The following IFFO2 variants were observed in gnomAD, a reference collection of about 807,000 sequenced individuals.
The protein encoded by IFFO2 is intermediate filament family orphan 2.
A neutral mutation model predicts 53.5 loss-of-function variants in IFFO2; 19 were observed. That is an observed-to-expected ratio of 0.36 (90% CI 0.25 to 0.52). The LOEUF (loss-of-function observed/expected upper bound fraction) is 0.52. Ranked by LOEUF, IFFO2 falls within the 20% of genes least tolerant of loss-of-function variation. The pLI is 0.94. For synonymous variants in IFFO2, 303 were observed against 313.6 expected, an observed-to-expected ratio of 0.97 and a Z score of 0.36; for missense variants, 570 against 727.4, an observed-to-expected ratio of 0.78 and a Z score of 2.49.
intron 1 of IFFO2, among the ~76,000 whole-genome samples, chr1:18,923,750 G>A (rs763222281): frequency 2.6e-5 from 4 of 152,160 alleles, no homozygotes; most frequent in Non-Finnish European, 5.9e-5. Flanking sequence ...AATCACCTGG[G>A]CATCTTATTA....
chr1:18,948,231 A>AC (rs1409675082), intron 1 of IFFO2, among the ~76,000 whole-genome samples: 2 of 152,248 alleles, frequency 1.3e-5, no homozygotes, highest in Non-Finnish European at 2.9e-5. Context: ...ATTGACTTTT[A>AC]CCTCAACCCT....
Position 18,920,998 on chromosome 1 carries a change from T to C in IFFO2, c.726+63A>G. On this transcript the variant is annotated intron_variant, in intron 2 of 8. Transcript: ENST00000455833. ...TCCTGGCTTTGCCGCATGAAGACTG[T>C]GCCCCTTGGCCACATGGCTCTCTGG... 3 of 1,427,088 alleles carry C rather than the reference T, an allele frequency of 2.1e-6. No homozygotes were observed. In the East Asian group the frequency reaches 7.4e-5, roughly 35 times the overall value. The allele number at this position is 1,427,088 out of a possible 1,614,324, so 88.4% of individuals were successfully genotyped here. A position where few individuals can be genotyped will look rare whatever the true frequency, so the allele number is the denominator to read the frequency against.
In IFFO2 at chr1:18,955,853, G is replaced by T; in HGVS notation, c.480C>A (p.Thr160=). 6.8e-7 allele frequency: 1 copy of T among 1,464,286 alleles called. No homozygotes were observed. The highest frequency in any genetic ancestry group is 9.0e-7 in the Non-Finnish European group (1 of 1,116,250). 90.7% of individuals were successfully genotyped at this position (1,464,286 alleles called of 1,614,324 possible). The part of the protein sequence containing the change: ...HPQHYGRLPG[T]IWSYTQVRRT... ...GCCGCACCTGCGTGTAGCTCCAGAT[G>T]GTCCCGGGCAGGCGGCCGTAGTGCT... Residue 160 remains threonine (T), a synonymous_variant, in exon 1 of 9, where the codon ACC becomes ACA. Coordinates refer to ENST00000455833, the MANE Select transcript of IFFO2 (RefSeq NM_001136265.2).
At chr1:18,933,353 A>G (rs1936404121) in intron 1 of IFFO2, among the ~76,000 whole-genome samples, 1 of 152,220 alleles carries the variant, frequency 6.6e-6, no homozygotes, top group Admixed American at 6.5e-5. Context: ...ATTTGTACCC[A>G]GGGGCACGAG....
rs61750842 is a variant in IFFO2, at chr1:18,912,074, G to T, written c.1113C>A (p.Thr371=). Residue 371 remains threonine (T), a synonymous_variant, in exon 6 of 9, where the codon ACC becomes ACA. Coordinates refer to ENST00000455833, the MANE Select transcript of IFFO2 (RefSeq NM_001136265.2). ...TGTCACAGTCGTCGTCAAAGTCAAA[G>T]GTCTCCCGCCTGTGGGGGTGACACC... is the stretch of plus-strand genomic sequence containing the variant. ...MKRMFNQLRE[T]FDFDDDCDSL... is the part of the protein sequence containing the mutation. 1.3e-6 allele frequency: 2 copies of T among 1,551,636 alleles called. No homozygotes were observed. Among genetic ancestry groups the T allele is most frequent in the African/African-American group, 2.7e-5 (2 of 73,138 alleles).
intron 5 of IFFO2, among the ~76,000 whole-genome samples, chr1:18,912,736 G>A (rs59798360): frequency 0.11 from 17,332 of 151,338 alleles, 1,620 homozygotes; most frequent in African/African-American, 0.24. Flanking sequence ...CATAACTATC[G>A]TTCCCATTTT....
At chr1:18,935,864 A>ATTTT (rs757253270) in intron 1 of IFFO2, among the ~76,000 whole-genome samples, 263 of 95,388 alleles carry the variant, frequency 2.8e-3, no homozygotes, top group East Asian at 4.4e-3. Context: ...TAATTTTTCT[A>ATTTT]TTTTTTTTTT....
At chr1:18,941,592 G>A (rs1341417091) in intron 1 of IFFO2, among the ~76,000 whole-genome samples, 1 of 152,224 alleles carries the variant, frequency 6.6e-6, no homozygotes, top group African/African-American at 2.4e-5. Context: ...AGGAACGGCT[G>A]CCTTGCTGCT....
chr1:18,945,544 C>T (rs1238320539), intron 1 of IFFO2, among the ~76,000 whole-genome samples: 4 of 152,206 alleles, frequency 2.6e-5, no homozygotes, highest in Non-Finnish European at 4.4e-5. Flanking sequence ...ATTAAGAGGG[C>T]GGAAGGCGCT....
At chr1:18,912,921 C>A (rs1936062362) in intron 5 of IFFO2, among the ~76,000 whole-genome samples, 1 of 152,224 alleles carries the variant, frequency 6.6e-6, no homozygotes, top group Non-Finnish European at 1.5e-5. Flanking sequence ...TCCCAAGATG[C>A]CTTGGTTACC....
In IFFO2 at chr1:18,956,237, G is replaced by T; in HGVS notation, c.96C>A (p.Gly32=). Residue 32 remains glycine (G), a synonymous_variant, in exon 1 of 9, where the codon GGC becomes GGA. Coordinates refer to ENST00000455833, the MANE Select transcript of IFFO2 (RefSeq NM_001136265.2). The surrounding 1 kb of genome is among the most constrained non-coding windows in gnomAD (Gnocchi z 6.4). ...GGGCPGGGGG[G]GGAGPGPSPV... Reference sequence around the variant, plus strand: ...GCGACGGACCCGGCCCTGCCCCGCCGCCGCCGCCGCCCCCGCCAGGGCAGC... The same window carrying T: ...GCGACGGACCCGGCCCTGCCCCGCCTCCGCCGCCGCCCCCGCCAGGGCAGC... 8.3e-7 allele frequency: 1 copy of T among 1,200,912 alleles called. No homozygotes were observed. Among genetic ancestry groups the T allele is most frequent in the Non-Finnish European group, 1.1e-6 (1 of 938,746 alleles). The allele number at this position is 1,200,912 out of a possible 1,614,324, so 74.4% of individuals were successfully genotyped here.
intron 1 of IFFO2, among the ~76,000 whole-genome samples, chr1:18,927,475 C>T (rs957339756): frequency 3.3e-5 from 5 of 152,242 alleles, no homozygotes; most frequent in Non-Finnish European, 7.3e-5. Context: ...ACCCTGGCCT[C>T]GGGGAGCTCA....
intron 1 of IFFO2, among the ~76,000 whole-genome samples, chr1:18,933,784 T>A (rs1936410196): frequency 6.6e-6 from 1 of 152,008 alleles, no homozygotes; most frequent in Admixed American, 6.6e-5. Flanking sequence ...ATAAACCATA[T>A]AACATAGAAT....
chr1:18,915,079 T>G (rs34693741), intron 5 of IFFO2, among the ~76,000 whole-genome samples: 13,224 of 152,118 alleles, frequency 0.087, 720 homozygotes, highest in East Asian at 0.2. Context: ...CAGCCTAGAA[T>G]AGGGACAGAA....
intron 1 of IFFO2, among the ~76,000 whole-genome samples, chr1:18,930,866 C>T (rs1936367086): frequency 6.6e-6 from 1 of 152,158 alleles, no homozygotes; most frequent in African/African-American, 2.4e-5. Flanking sequence ...CTTGGTATTG[C>T]TTATTGAACA....
Position 18,956,667 on chromosome 1 carries a change from G to C in IFFO2, c.-335C>G, listed in dbSNP as rs1019027873. ...CGGCAGCCGCACGCAGAGGACTCTC[G>C]GCCGGCACTGCCCCTTCTGCGGCGG... On this transcript the variant is annotated 5_prime_UTR_variant, in exon 1 of 9. Transcript: ENST00000455833. The surrounding 1 kb of genome is among the most constrained non-coding windows in gnomAD (Gnocchi z 6.4). The C allele has an allele frequency of 6.6e-6, 1 of 152,124 alleles. No individual in the cohort carries two copies. The highest frequency in any genetic ancestry group is 1.5e-5 in the Non-Finnish European group (1 of 68,126). The allele number at this position is 152,124 out of a possible 1,614,324, so 9.4% of individuals were successfully genotyped here.
At chr1:18,930,726 G>A (rs1177424638) in intron 1 of IFFO2, among the ~76,000 whole-genome samples, 2 of 152,184 alleles carry the variant, frequency 1.3e-5, no homozygotes, top group Non-Finnish European at 2.9e-5. Flanking sequence ...TGGCTCTTTT[G>A]GGCAACATGG....
chr1:18,938,092 C>G (rs955336636), intron 1 of IFFO2, among the ~76,000 whole-genome samples: 1 of 152,098 alleles, frequency 6.6e-6, no homozygotes, highest in African/African-American at 2.4e-5. Flanking sequence ...GCAGCCACCC[C>G]CTGTCCCTTA....
At chr1:18,940,341 G>T (rs1049153286) in intron 1 of IFFO2, among the ~76,000 whole-genome samples, 3 of 152,152 alleles carry the variant, frequency 2.0e-5, no homozygotes, top group East Asian at 1.9e-4. Context: ...CACTCGCCCC[G>T]TGCAACTTTG....
Sources: gnomAD v4.1 joint callset for allele counts (sites outside exome capture counted in the v4.1 genomes callset) on GRCh38, gnomAD v4.1.1 for gene constraint, Gnocchi (gnomAD v3.1) non-coding constraint, MANE v1.5 for transcripts, NCBI Gene and HGNC (gene_info 2026-07-23, HGNC 2026-07-21) for gene names.